The following TUSC3 variants were observed in gnomAD, a reference collection of about 807,000 sequenced individuals.
TUSC3 encodes the protein tumor suppressor candidate 3, also known as dolichyl-diphosphooligosaccharide--protein glycosyltransferase subunit TUSC3.
Under a neutral mutation model 44.8 loss-of-function variants are expected in TUSC3, and 45 were observed. That is an observed-to-expected ratio of 1.00 (90% CI 0.79 to 1.29). The LOEUF (loss-of-function observed/expected upper bound fraction) is 1.29. Among genes scored for constraint, TUSC3 ranks in the 50% most tolerant of loss-of-function variants. The probability of loss-of-function intolerance (pLI) is 0.00; values close to 1 mark genes in which losing one functional copy is unlikely to be tolerated. For synonymous variants in TUSC3, 212 were observed against 152.9 expected, an observed-to-expected ratio of 1.39 and a Z score of -2.85; for missense variants, 519 against 437.9, an observed-to-expected ratio of 1.19 and a Z score of -1.65.
intron 1 of TUSC3, among the ~76,000 whole-genome samples, chr8:15,604,420 G>A (rs182134223): frequency 1.7e-4 from 26 of 151,720 alleles, no homozygotes; most frequent in Non-Finnish European, 3.1e-4. Context: ...TGATGAGTAC[G>A]TGGGTTTTTG....
At chr8:15,612,676 C>G (rs1053721467) in intron 1 of TUSC3, among the ~76,000 whole-genome samples, 11 of 152,136 alleles carry the variant, frequency 7.2e-5, no homozygotes, top group African/African-American at 2.2e-4. Context: ...ATGACTGATT[C>G]TATTAACTTC....
upstream of TUSC3, among the ~76,000 whole-genome samples, chr8:15,536,026 G>C (rs1801517419): frequency 6.6e-6 from 1 of 152,154 alleles, no homozygotes; most frequent in Non-Finnish European, 1.5e-5. Context: ...GCTATCATTA[G>C]TGTTTGTAAC....
At chr8:15,575,139 T>G (rs73540516) in intron 1 of TUSC3, among the ~76,000 whole-genome samples, 1,859 of 147,500 alleles carry the variant, frequency 0.013, 30 homozygotes, top group East Asian at 0.056. Context: ...CATTATGAAC[T>G]GAATAATTTT....
At chr8:15,483,810 A>C (rs1308276832) in intron 2 of TUSC3, among the ~76,000 whole-genome samples, 7 of 150,900 alleles carry the variant, frequency 4.6e-5, no homozygotes, top group African/African-American at 1.5e-4. Context: ...CGCCAGCCAC[A>C]ATGCCCGGCT....
At chr8:15,624,404 G>A (rs963953841) in intron 2 of TUSC3, among the ~76,000 whole-genome samples, 3 of 152,186 alleles carry the variant, frequency 2.0e-5, no homozygotes, top group African/African-American at 7.2e-5. Context: ...ATGTTTTCTA[G>A]AATGGCTGTA....
At chr8:15,523,229 G>T (rs1241865761) in intron 2 of TUSC3, among the ~76,000 whole-genome samples, 1 of 152,108 alleles carries the variant, frequency 6.6e-6, no homozygotes, top group Non-Finnish European at 1.5e-5. Context: ...TTGAGGTATT[G>T]CCCAATGCAT....
At chr8:15,602,573 T>G (rs2129155076) in intron 1 of TUSC3, among the ~76,000 whole-genome samples, 1 of 151,642 alleles carries the variant, frequency 6.6e-6, no homozygotes, top group South Asian at 2.1e-4. Context: ...CACAAGTACC[T>G]GTCTTTGTGA....
chr8:15,443,889 C>G (rs1003547673), intron 1 of TUSC3, among the ~76,000 whole-genome samples: 1 of 152,040 alleles, frequency 6.6e-6, no homozygotes, highest in African/African-American at 2.4e-5. Flanking sequence ...GGCCCCCACC[C>G]GGGAACTGAC....
chr8:15,634,026 A>T (rs1805947460), intron 2 of TUSC3, among the ~76,000 whole-genome samples: 1 of 152,158 alleles, frequency 6.6e-6, no homozygotes, highest in Non-Finnish European at 1.5e-5. Context: ...AGAGATCTCT[A>T]CTGTGATCCG....
intron 1 of TUSC3, among the ~76,000 whole-genome samples, chr8:15,423,422 G>A (rs1471429532): frequency 4.6e-5 from 7 of 152,254 alleles, no homozygotes; most frequent in African/African-American, 1.2e-4. Flanking sequence ...TACCTAGTGC[G>A]TTCCATAAGT....
the TUSC3 span, among the ~76,000 whole-genome samples, chr8:15,848,512 A>C: frequency 2.6e-5 from 4 of 151,978 alleles, no homozygotes; most frequent in African/African-American, 9.7e-5. Flanking sequence ...AACAGACCCC[A>C]TCTATCCCAG....
At chr8:15,643,879 T>C (rs1437477693) in intron 2 of TUSC3, among the ~76,000 whole-genome samples, 1 of 152,198 alleles carries the variant, frequency 6.6e-6, no homozygotes, top group East Asian at 1.9e-4. Flanking sequence ...TCGCTCCAGA[T>C]CTTTGTGTAT....
chr8:15,569,563 A>C (rs1802795340), intron 1 of TUSC3, among the ~76,000 whole-genome samples: 1 of 152,142 alleles, frequency 6.6e-6, no homozygotes, highest in Admixed American at 6.6e-5. Context: ...AGCGTGAGTA[A>C]ATAATTTATG....
chr8:15,432,732 C>G (rs963895060), intron 1 of TUSC3, among the ~76,000 whole-genome samples: 1 of 152,002 alleles, frequency 6.6e-6, no homozygotes, highest in Non-Finnish European at 1.5e-5. Context: ...ATGTGCATCT[C>G]GGATCCCCTC....
intron 6 of TUSC3, among the ~76,000 whole-genome samples, chr8:15,717,551 C>G (rs1012713117): frequency 1.3e-5 from 2 of 152,040 alleles, no homozygotes; most frequent in Admixed American, 1.3e-4. Context: ...TCACACTGTA[C>G]CTGTTTGAAA....
At chr8:15,746,315 ATTAT>A (rs1811412926) in intron 8 of TUSC3, among the ~76,000 whole-genome samples, 1 of 152,028 alleles carries the variant, frequency 6.6e-6, no homozygotes, top group Non-Finnish European at 1.5e-5. Context: ...CCCCAAATTA[ATTAT>A]TCATGTTGTG....
chr8:15,797,297 G>A, the TUSC3 span, among the ~76,000 whole-genome samples: 1 of 152,120 alleles, frequency 6.6e-6, no homozygotes, highest in East Asian at 1.9e-4. Context: ...CCCAAGAGAG[G>A]TACATTCTGT....
chr8:15,535,986 G>GT (rs1223997535), upstream of TUSC3, among the ~76,000 whole-genome samples: 5 of 152,056 alleles, frequency 3.3e-5, no homozygotes, highest in Non-Finnish European at 5.9e-5. Flanking sequence ...GAAAACATGA[G>GT]TTTTTTTGCA....
At chr8:15,798,003 T>A in the TUSC3 span, among the ~76,000 whole-genome samples, 3 of 152,144 alleles carry the variant, frequency 2.0e-5, no homozygotes, top group Non-Finnish European at 4.4e-5. Context: ...GCTATGATCT[T>A]CCTTTCCCTA....
Sources: gnomAD v4.1 joint callset for allele counts (sites outside exome capture counted in the v4.1 genomes callset) on GRCh38, gnomAD v4.1.1 for gene constraint, MANE v1.5 for transcripts, NCBI Gene and HGNC (gene_info 2026-07-23, HGNC 2026-07-21) for gene names.